VWA3A: variants seen among roughly 807,000 people sequenced by gnomAD.
The protein encoded by VWA3A is von Willebrand factor A domain containing 3A, also known as von Willebrand factor A domain-containing protein 3A.
VWA3A carries 134 observed loss-of-function variants against 160.4 expected under a neutral mutation model. The observed-to-expected ratio is 0.84, with a 90% confidence interval of 0.73 to 0.96. The LOEUF is 0.96. Among genes scored for constraint, VWA3A ranks in the 40% least tolerant of loss-of-function variants. The pLI, the probability that VWA3A is intolerant of heterozygous loss-of-function variation, is 0.00. For missense variants in VWA3A, 1,310 were observed against 1,447.9 expected (o/e 0.90, Z 1.55); for synonymous variants, 476 against 543.4 (o/e 0.88, Z 1.72).
intron 14 of VWA3A, 118 bp downstream of exon 14, chr16:22,121,735 G>C: frequency 2.5e-6 from 2 of 785,690 alleles, no homozygotes; most frequent in Non-Finnish European, 4.2e-6. Context: ...TCCCACCCAG[G>C]ACCCTAGAAT....
intron 31 of VWA3A, among the ~76,000 whole-genome samples, chr16:22,153,241 G>A (rs1412332162): frequency 6.6e-6 from 1 of 152,156 alleles, no homozygotes; most frequent in Non-Finnish European, 1.5e-5. Context: ...AGTTACTCGG[G>A]AGGCTGAGGC....
At position 22,150,816 on chromosome 16, in the gene VWA3A, T is replaced by C. The variant is rs560758355; in HGVS notation, c.3251T>C (p.Val1084Ala). The C allele has an allele frequency of 1.4e-5, 22 of 1,613,580 alleles. No individual in the cohort carries two copies. The African/African-American group carries it at 2.8e-4, about 21-fold the overall frequency. ...CTCAGGGAGAAAAGAGATGTGAAAG[T>C]GCACACCATTTCCTTGAACTGCTCA... ...QKLREKRDVKVHTISLNCSDR... is the reference protein window; with the variant it reads ...QKLREKRDVKAHTISLNCSDR... Residue 1084 changes from valine to alanine, a missense_variant, in exon 30 of 34, where the codon GTG (valine) becomes GCG (alanine). Coordinates refer to ENST00000389398, the MANE Select transcript of VWA3A (RefSeq NM_173615.5).
At chr16:22,143,248 C>A (rs561345958) in intron 25 of VWA3A, among the ~76,000 whole-genome samples, 1 of 152,156 alleles carries the variant, frequency 6.6e-6, no homozygotes, top group African/African-American at 2.4e-5. Flanking sequence ...TCTAGGTCTG[C>A]CACTTCCTGC....
intron 30 of VWA3A, among the ~76,000 whole-genome samples, chr16:22,151,375 T>C (rs963673392): frequency 5.9e-5 from 9 of 152,202 alleles, no homozygotes; most frequent in African/African-American, 2.2e-4. Flanking sequence ...AACCCCTCTC[T>C]TTACCCAGAT....
chr16:22,109,064 A>G (rs1224525961), intron 6 of VWA3A, among the ~76,000 whole-genome samples: 2 of 152,222 alleles, frequency 1.3e-5, no homozygotes, highest in African/African-American at 4.8e-5. Flanking sequence ...CAGCTGGCGA[A>G]CCTAACACAT....
At chr16:22,136,982 G>A (rs2035753853) in intron 21 of VWA3A, among the ~76,000 whole-genome samples, 1 of 152,018 alleles carries the variant, frequency 6.6e-6, no homozygotes, top group South Asian at 2.1e-4. Flanking sequence ...GCTGAGGCAG[G>A]AGAATCCTTG....
intron 6 of VWA3A, among the ~76,000 whole-genome samples, chr16:22,107,555 A>G (rs1276166950): frequency 6.6e-6 from 1 of 152,112 alleles, no homozygotes; most frequent in African/African-American, 2.4e-5. Flanking sequence ...CAGCCTGGGC[A>G]ATGCAGTAAG....
At chr16:22,150,051 C>A in intron 29 of VWA3A, 120 bp downstream of exon 29, 1 of 1,327,588 alleles carries the variant, frequency 7.5e-7, no homozygotes, top group Non-Finnish European at 1.0e-6. Flanking sequence ...AGCACTACAT[C>A]ATTTCATCTT....
chr16:22,145,437 G>A (rs1262572210), intron 26 of VWA3A, among the ~76,000 whole-genome samples: 4 of 152,054 alleles, frequency 2.6e-5, no homozygotes, highest in Admixed American at 2.6e-4. Flanking sequence ...TCAGGAGTTC[G>A]AGACCACCCT....
chr16:22,138,657 G>A lies in VWA3A; in HGVS notation c.2292+145G>A, dbSNP rs1291020030. 3 of 1,103,092 alleles carry A rather than the reference G, an allele frequency of 2.7e-6. No homozygotes were observed. The East Asian group carries it at 8.0e-5, about 29-fold the overall frequency. The allele number at this position is 1,103,092 out of a possible 1,614,324, so 68.3% of individuals were successfully genotyped here. A position where few individuals can be genotyped will look rare whatever the true frequency, so the allele number is the denominator to read the frequency against. The stretch of plus-strand genomic sequence containing the variant: ...TGTCCTGTGGGTGCCTCTTGCCCAG[G>A]CCTCCAGGGGGAAAATCTCCCGCGG... On this transcript the variant is annotated intron_variant, in intron 22 of 33. Coordinates refer to ENST00000389398, the MANE Select transcript of VWA3A (RefSeq NM_173615.5).
intron 9 of VWA3A, among the ~76,000 whole-genome samples, chr16:22,115,928 A>AAGGAAGGAAGGAAGG (rs1267589853): frequency 3.7e-5 from 1 of 27,308 alleles, no homozygotes; most frequent in Admixed American, 4.0e-4. Flanking sequence ...GAAGGAAAGG[A>AAGGAAGGAAGGAAGG]AAGGAAAGGA....
chr16:22,130,859 A>G (rs1299929833), intron 17 of VWA3A, among the ~76,000 whole-genome samples: 1 of 136,416 alleles, frequency 7.3e-6, no homozygotes, highest in Non-Finnish European at 1.5e-5. Flanking sequence ...TTGATTACAT[A>G]GATGTGTATT....
At chr16:22,117,287 C>T in intron 11 of VWA3A, 111 bp downstream of exon 11, 1 of 1,146,640 alleles carries the variant, frequency 8.7e-7, no homozygotes, top group South Asian at 1.5e-5. Context: ...TTCTCCTTTT[C>T]TCCTTGTCCC....
chr16:22,136,744 T>C (rs528818969), intron 21 of VWA3A, among the ~76,000 whole-genome samples: 5 of 152,142 alleles, frequency 3.3e-5, no homozygotes, highest in African/African-American at 1.2e-4. Context: ...TTAAAATATC[T>C]CTTCCCAGCT....
intron 29 of VWA3A, 63 bp downstream of exon 29, chr16:22,149,994 G>A: frequency 6.6e-7 from 1 of 1,504,592 alleles, no homozygotes; most frequent in Non-Finnish European, 8.9e-7. Flanking sequence ...CTATGCTGAT[G>A]CTGCACGATG....
Position 22,094,749 on chromosome 16 carries a change from T to G in VWA3A, c.14+2098T>G, listed in dbSNP as rs138765682. Among the ~76,000 whole-genome samples, 816 of 152,224 alleles carry G rather than the reference T, an allele frequency of 5.4e-3. 4 individuals are homozygous for G. Among genetic ancestry groups the G allele is most frequent in the Middle Eastern group, 0.044 (13 of 294 alleles). ...GGGAGGCCAAGGCAAGTGGATCACC[T>G]GAGGTCAAGAGTTTGAGACCGGCCT... is the stretch of plus-strand genomic sequence containing the variant. On this transcript the variant is annotated intron_variant, in intron 1 of 33. Transcript: ENST00000389398.
chr16:22,113,284 TGG>T (rs1567201608), intron 8 of VWA3A, among the ~76,000 whole-genome samples: 2 of 150,306 alleles, frequency 1.3e-5, no homozygotes, highest in African/African-American at 4.9e-5. Flanking sequence ...ATCTGCTTCC[TGG>T]GTTCAAGCAA....
Position 22,100,231 on chromosome 16 carries a change from A to G in VWA3A, c.263A>G (p.Glu88Gly), listed in dbSNP as rs1462965483. 1 of 1,550,424 alleles carries G rather than the reference A, an allele frequency of 6.4e-7. No homozygotes were observed. The highest frequency in any genetic ancestry group is 1.2e-5 in the South Asian group (1 of 83,970). ...AGTGAGACCCAGTCTTCAGATTGGG[A>G]GGACTCTGAAGACTGGCTTTCGGCT... ...QGSETQSSDW[E>G]DSEDWLSAHS... is the part of the protein sequence containing the mutation. Residue 88 changes from glutamate to glycine, a missense_variant, in exon 4 of 34, where the codon GAG becomes GGG. Physicochemically the swap from Glu to Gly is moderately conservative, Grantham distance 98 (BLOSUM62 -2). Coordinates refer to ENST00000389398, the MANE Select transcript of VWA3A (RefSeq NM_173615.5).
At chr16:22,122,514 T>C (rs2045760281) in intron 14 of VWA3A, among the ~76,000 whole-genome samples, 1 of 151,900 alleles carries the variant, frequency 6.6e-6, no homozygotes, top group Non-Finnish European at 1.5e-5. Flanking sequence ...AATAGAAAGA[T>C]GGCAGAAAGA....
Sources: gnomAD v4.1 joint callset for allele counts (sites outside exome capture counted in the v4.1 genomes callset) on GRCh38, gnomAD v4.1.1 for gene constraint, MANE v1.5 for transcripts, NCBI Gene and HGNC (gene_info 2026-07-23, HGNC 2026-07-21) for gene names.